Variants in FRMPD2 observed in about 807,000 individuals in gnomAD.
FRMPD2 encodes FERM and PDZ domain-containing protein 2.
FRMPD2 carries 96 observed loss-of-function variants against 140.1 expected under a neutral mutation model. That is an observed-to-expected ratio of 0.69 (90% confidence interval 0.58 to 0.81). The LOEUF is 0.81. Among genes scored for constraint, FRMPD2 ranks in the 40% least tolerant of loss-of-function variants. The pLI is 0.00. For missense variants in FRMPD2, 1,240 were observed against 1,447.4 expected (o/e 0.86, Z 2.32); for synonymous variants, 449 against 547.6 (o/e 0.82, Z 2.52).
At position 48,201,284 on chromosome 10, in the gene FRMPD2, G is replaced by T. The variant is rs746205590; in HGVS notation, c.1898C>A (p.Ala633Asp). 2 of 1,613,854 alleles carry T rather than the reference G, an allele frequency of 1.2e-6. No individual in the cohort carries two copies. The highest frequency in any genetic ancestry group is 2.2e-5 in the South Asian group (2 of 91,052). Residue 633 changes from alanine to aspartate, a missense_variant, in exon 15 of 29, where the codon GCC (alanine) becomes GAC (aspartate). Ala to Asp is a moderately radical substitution (Grantham distance 126, BLOSUM62 -2). Coordinates refer to ENST00000374201, the MANE Select transcript of FRMPD2 (RefSeq NM_001018071.4). ...CATCTGTGCATTAAACCCATGCTGG[G>T]CTGAGCAGAGGTCCAGTAAGTATTT... is the stretch of plus-strand genomic sequence containing the variant. ...TSKYLLDLCS[A>D]QHGFNAQMGS...
chr10:48,250,123 G>A (rs930289143), intron 2 of FRMPD2, among the ~76,000 whole-genome samples: 3 of 152,146 alleles, frequency 2.0e-5, no homozygotes, highest in African/African-American at 4.8e-5. Context: ...AACCTCCAGA[G>A]AGGTGACTCG....
intron 10 of FRMPD2, among the ~76,000 whole-genome samples, chr10:48,229,007 T>A (rs1049222886): frequency 2.6e-5 from 4 of 152,074 alleles, no homozygotes; most frequent in African/African-American, 9.6e-5. Context: ...TTATTTATGT[T>A]TTTCTAAAAT....
intron 25 of FRMPD2, 120 bp downstream of exon 25, chr10:48,172,826 T>A: frequency 2.3e-6 from 2 of 853,808 alleles, no homozygotes; most frequent in South Asian, 3.0e-5. Context: ...ATGATCACTA[T>A]GGCTCGCTTT....
intron 9 of FRMPD2, 79 bp from the exon 10 acceptor site, chr10:48,232,368 C>A: frequency 3.2e-6 from 3 of 946,918 alleles, no homozygotes; most frequent in Non-Finnish European, 4.7e-6. Context: ...CTGTACTAAG[C>A]ACTTTACACA....
chr10:48,232,287 G>A lies in FRMPD2; in HGVS notation c.996C>T (p.Thr332=). ...GAGCCAAATAGGATTTCCCTTTTTT[G>A]GTCTGAAAACAACAACAGTATCAAT... ...MTLHLPGSVV[T]KKGKSYLALR... is the part of the protein sequence containing the mutation. The change falls in exon 10 of 29, where the codon ACC becomes ACT. Residue 332 remains threonine (T), a splice_region_variant and synonymous_variant. Transcript: ENST00000374201. The A allele has an allele frequency of 6.2e-7, 1 of 1,607,856 alleles. No homozygotes were observed. Among genetic ancestry groups the A allele is most frequent in the Non-Finnish European group, 8.5e-7 (1 of 1,176,520 alleles).
chr10:48,198,838 C>T (rs564805947), intron 15 of FRMPD2, among the ~76,000 whole-genome samples: 1 of 152,156 alleles, frequency 6.6e-6, no homozygotes, highest in African/African-American at 2.4e-5. Flanking sequence ...TTCTTTGTGG[C>T]TATTGTTTAA....
At chr10:48,269,693 C>A (rs192972198) in intron 1 of FRMPD2, among the ~76,000 whole-genome samples, 1 of 152,318 alleles carries the variant, frequency 6.6e-6, no homozygotes, top group Admixed American at 6.5e-5. Flanking sequence ...AAATTTTCCT[C>A]TAGAAGTGAA....
chr10:48,235,534 T>C (rs373385203), intron 9 of FRMPD2, among the ~76,000 whole-genome samples: 24 of 152,242 alleles, frequency 1.6e-4, no homozygotes, highest in Middle Eastern at 3.4e-3. Flanking sequence ...GGTGGGCTCA[T>C]TGGTGCTCTT....
intron 28 of FRMPD2, among the ~76,000 whole-genome samples, chr10:48,161,106 C>T (rs1474224970): frequency 6.6e-6 from 1 of 151,242 alleles, no homozygotes; most frequent in Non-Finnish European, 1.5e-5. Flanking sequence ...AGCCAGGATA[C>T]TGAGAACAGT....
intron 8 of FRMPD2, among the ~76,000 whole-genome samples, chr10:48,237,364 C>T (rs762080616): frequency 2.0e-5 from 3 of 152,168 alleles, no homozygotes; most frequent in Non-Finnish European, 4.4e-5. Context: ...AAGCCCTCTT[C>T]ACGCCCTCCA....
chr10:48,237,632 A>G (rs745708), intron 8 of FRMPD2, among the ~76,000 whole-genome samples: 39,106 of 151,938 alleles, frequency 0.26, 6,846 homozygotes, highest in African/African-American at 0.5. Flanking sequence ...CTATGCTCCC[A>G]CCTTTCACCT....
At chr10:48,267,375 G>A (rs1414738508) in intron 1 of FRMPD2, among the ~76,000 whole-genome samples, 2 of 152,154 alleles carry the variant, frequency 1.3e-5, no homozygotes, top group Non-Finnish European at 2.9e-5. Context: ...ACCAACATTA[G>A]AAACACTATG....
intron 16 of FRMPD2, among the ~76,000 whole-genome samples, chr10:48,189,647 GC>G (rs1321118832): frequency 2.0e-5 from 3 of 152,200 alleles, no homozygotes; most frequent in African/African-American, 7.2e-5. Context: ...TCCACACCTG[GC>G]CCAGGGCTGG....
At chr10:48,169,142 GC>G (rs1481457468) in intron 26 of FRMPD2, among the ~76,000 whole-genome samples, 4 of 152,190 alleles carry the variant, frequency 2.6e-5, no homozygotes, top group African/African-American at 9.6e-5. Flanking sequence ...CTCCCAACCT[GC>G]CCTCATCTTG....
intron 2 of FRMPD2, 22 bp downstream of exon 2, chr10:48,251,544 C>T (rs752196483): frequency 2.5e-6 from 4 of 1,610,796 alleles, no homozygotes; most frequent in Non-Finnish European, 3.4e-6. Context: ...TGTGATTTGA[C>T]TGCCCCCAAA....
chr10:48,244,883 A>G (rs2131955166), intron 3 of FRMPD2, 34 bp from the exon 4 acceptor site: 1 of 1,456,308 alleles, frequency 6.9e-7, no homozygotes, highest in Admixed American at 1.7e-5. Context: ...TTAGATTTCA[A>G]TCATCTCTGT....
chr10:48,265,250 C>G (rs1180395975), intron 1 of FRMPD2, among the ~76,000 whole-genome samples: 1 of 152,140 alleles, frequency 6.6e-6, no homozygotes, highest in East Asian at 1.9e-4. Context: ...AGACCCAGAA[C>G]TATAAAAACT....
chr10:48,270,963 A>T (rs1374852732), intron 1 of FRMPD2, among the ~76,000 whole-genome samples: 3 of 152,134 alleles, frequency 2.0e-5, no homozygotes, highest in Admixed American at 2.0e-4. Flanking sequence ...GTTTCCTACA[A>T]CCATACCTTG....
intron 12 of FRMPD2, among the ~76,000 whole-genome samples, chr10:48,216,333 A>G (rs1394607588): frequency 1.5e-5 from 2 of 130,656 alleles, no homozygotes; most frequent in Non-Finnish European, 3.4e-5. Flanking sequence ...GATAGATGAT[A>G]AATAGATGGA....
Sources: allele counts gnomAD v4.1 joint callset (sites outside exome capture counted in the v4.1 genomes callset), GRCh38; gene constraint gnomAD v4.1.1; transcripts MANE v1.5; gene names NCBI Gene and HGNC (gene_info 2026-07-23, HGNC 2026-07-21).